KMT2C: variants seen among roughly 807,000 people sequenced by gnomAD.
KMT2C encodes the protein lysine methyltransferase 2C.
In KMT2C, 88 loss-of-function variants were observed where a neutral mutation model predicts 507.9. The ratio of observed to expected loss-of-function variants is 0.17; its 90% CI spans 0.15 to 0.21. KMT2C has a LOEUF of 0.21. Among genes scored for constraint, KMT2C ranks in the 10% least tolerant of loss-of-function variants. KMT2C has a pLI of 1.00. For synonymous variants in KMT2C, 2,049 were observed against 2,080.8 expected (o/e 0.98, Z 0.42); for missense variants, 4,954 against 5,957.8 (o/e 0.83, Z 5.55).
chr7:152,289,557 A>T (rs2096370484), intron 6 of KMT2C, among the ~76,000 whole-genome samples: 1 of 152,234 alleles, frequency 6.6e-6, no homozygotes, highest in African/African-American at 2.4e-5. Flanking sequence ...ATAACAAACC[A>T]CAATTATTAA....
At chr7:152,249,489 A>C (rs1343393064) in intron 13 of KMT2C, among the ~76,000 whole-genome samples, 5 of 151,728 alleles carry the variant, frequency 3.3e-5, no homozygotes, top group South Asian at 4.2e-4. Context: ...ATCCCCAGAT[A>C]CTTTTTTTAT....
intron 40 of KMT2C, 61 bp from the exon 41 acceptor site, chr7:152,169,310 A>G (rs1587878118): frequency 1.1e-6 from 1 of 875,598 alleles, no homozygotes; most frequent in Non-Finnish European, 1.9e-6. Flanking sequence ...GGGGGAAAAA[A>G]CTTTAAAAGA....
intron 1 of KMT2C, among the ~76,000 whole-genome samples, chr7:152,385,075 A>T (rs1216914477): frequency 2.0e-5 from 3 of 152,130 alleles, no homozygotes; most frequent in Non-Finnish European, 4.4e-5. Context: ...AATAAGACTG[A>T]ACCTGACTCT....
At chr7:152,327,308 A>T (rs1239394332) in intron 3 of KMT2C, among the ~76,000 whole-genome samples, 1 of 152,232 alleles carries the variant, frequency 6.6e-6, no homozygotes, top group Non-Finnish European at 1.5e-5. Context: ...CAAGTATTAG[A>T]TGAGGACTAA....
rs1425340331 is a variant in KMT2C at position 152,182,456 on chromosome 7, G to A, written c.5404C>T (p.Pro1802Ser). The change falls in exon 36 of 59, where the codon CCA becomes TCA. Residue 1802 changes from proline (P) to serine (S), a missense_variant. Transcript: ENST00000262189. ...AAGGGACTCTGTATCCCACTACTTG[G>A]TGTATCTGAACCAGACTGCACCAGA... ...HLLVQSGSDT[P>S]SSGIQSPLTP... is the part of the protein sequence containing the mutation. 1.2e-6 allele frequency: 2 copies of A among 1,614,092 alleles called. No individual in the cohort carries two copies. The highest frequency in any genetic ancestry group is 1.7e-6 in the Non-Finnish European group (2 of 1,179,964).
intron 37 of KMT2C, among the ~76,000 whole-genome samples, chr7:152,178,421 G>T (rs748005500): frequency 6.6e-6 from 1 of 152,140 alleles, no homozygotes; most frequent in Non-Finnish European, 1.5e-5. Flanking sequence ...ATGAAGATAG[G>T]TCTTCATACC....
At position 152,358,685 on chromosome 7, in the gene KMT2C, A is replaced by AG; in HGVS notation, c.162-11_162-10insC. 1 of 1,549,952 alleles carries AG rather than the reference A, an allele frequency of 6.5e-7. No homozygotes were observed. Among genetic ancestry groups the AG allele is most frequent in the Admixed American group, 1.8e-5 (1 of 55,922 alleles). ...CCCCCTACTTCGAGGTCTACAGAAA[A>AG]AAAAAAAAATAATAAGTACATAGAG... On this transcript the variant is annotated splice_polypyrimidine_tract_variant and intron_variant, in intron 1 of 58. Coordinates refer to ENST00000262189, the MANE Select transcript of KMT2C (RefSeq NM_170606.3).
rs573046928 is a variant in KMT2C, at chr7:152,372,730, T to C, written c.162-14055A>G. On this transcript the variant is annotated intron_variant, in intron 1 of 58. Transcript: ENST00000262189. ...ACCTAAATATATAAAGCACTATCAA[T>C]AGAACTAAAGGGGGAAATAGCAATA... Among the ~76,000 whole-genome samples the C allele has an allele frequency of 3.9e-5, 6 of 152,114 alleles. No homozygotes were observed. The East Asian group carries it at 9.6e-4, about 24-fold the overall frequency.
At chr7:152,401,761 A>C (rs1252755252) in intron 1 of KMT2C, among the ~76,000 whole-genome samples, 3 of 152,404 alleles carry the variant, frequency 2.0e-5, no homozygotes, top group South Asian at 2.1e-4. Context: ...CAACCTTGAC[A>C]ATGTCAATGT....
rs779376220 is a variant in KMT2C at position 152,180,874 on chromosome 7, C to A, written c.6986G>T (p.Gly2329Val). Reference sequence around the variant, plus strand: ...AGATGCACAGAAGCTCCCCTCTGATCCAGGCCTTGGCTGATCAGCAACATC... The same window carrying A: ...AGATGCACAGAAGCTCCCCTCTGATACAGGCCTTGGCTGATCAGCAACATC... ...AHDVADQPRP[G>V]SEGSFCASSN... Residue 2329 changes from glycine to valine, a missense_variant, in exon 36 of 59, where the codon GGA becomes GTA. By Grantham distance (109) the Gly-to-Val change is moderately radical. Transcript: ENST00000262189. 6.2e-7 allele frequency: 1 copy of A among 1,614,152 alleles called. No homozygotes were observed. The highest frequency in any genetic ancestry group is 1.1e-5 in the South Asian group (1 of 91,082).
At position 152,134,994 on chromosome 7, in the gene KMT2C, A is replaced by G. The variant is rs868349816; in HGVS notation, c.*1838T>C. 8 of 227,580 alleles carry G rather than the reference A, an allele frequency of 3.5e-5. No homozygotes were observed. The highest frequency in any genetic ancestry group is 5.7e-5 in the Admixed American group (1 of 17,582). The allele number at this position is 227,580 out of a possible 1,614,324, so 14.1% of individuals were successfully genotyped here. A position where few individuals can be genotyped will look rare whatever the true frequency, so the allele number is the denominator to read the frequency against. On this transcript the variant is annotated 3_prime_UTR_variant, in exon 59 of 59. Transcript: ENST00000262189. Reference sequence around the variant, plus strand: ...TCTGTGTCCACAAATTCCAAAACCCATAACACTCTGTATACTTCAAAAAAT... The same window carrying G: ...TCTGTGTCCACAAATTCCAAAACCCGTAACACTCTGTATACTTCAAAAAAT...
chr7:152,368,079 T>A, intron 1 of KMT2C: 1 of 900,316 alleles, frequency 1.1e-6, no homozygotes, highest in Non-Finnish European at 1.9e-6. Context: ...AAAGGACTGT[T>A]TACCTCTTGC....
chr7:152,302,108 C>A (rs1177595143), intron 6 of KMT2C, among the ~76,000 whole-genome samples: 2 of 152,138 alleles, frequency 1.3e-5, no homozygotes, highest in Non-Finnish European at 2.9e-5. Context: ...ACAAAGACAT[C>A]TGGCACAAAA....
At chr7:152,338,155 G>A (rs183477080) in intron 2 of KMT2C, among the ~76,000 whole-genome samples, 60 of 152,264 alleles carry the variant, frequency 3.9e-4, no homozygotes, top group Admixed American at 3.6e-3. Context: ...ACCGTGCCCA[G>A]CCCTCACCTA....
At chr7:152,323,353 G>A (rs2096789071) in intron 3 of KMT2C, among the ~76,000 whole-genome samples, 2 of 152,026 alleles carry the variant, frequency 1.3e-5, no homozygotes, top group South Asian at 4.1e-4. Flanking sequence ...TGAAAAGCGG[G>A]AGGATGGGGA....
At position 152,201,617 on chromosome 7, in the gene KMT2C, G is replaced by GA. The variant is rs745427209; in HGVS notation, c.4092+1316dup. ...CCCAGGAGAAAACAACAACAAAGATGAAAAAAAAAAAAAAAAAAAAAAAAA... is the reference window on the plus strand; with the variant it reads ...CCCAGGAGAAAACAACAACAAAGATGAAAAAAAAAAAAAAAAAAAAAAAAAA... On this transcript the variant is annotated intron_variant, in intron 26 of 58. Transcript: ENST00000262189. 9.7e-3 allele frequency among the ~76,000 whole-genome samples: 221 copies of GA among 22,880 alleles called. 12 individuals are homozygous for GA. Among genetic ancestry groups the GA allele is most frequent in the Non-Finnish European group, 0.016 (83 of 5,276 alleles). 15.0% of individuals were successfully genotyped at this position (22,880 alleles called of 152,430 possible).
intron 6 of KMT2C, among the ~76,000 whole-genome samples, chr7:152,304,454 T>A (rs1239266923): frequency 6.6e-6 from 1 of 152,194 alleles, no homozygotes; most frequent in Admixed American, 6.5e-5. Flanking sequence ...GTGACAAACA[T>A]GAGAGTTTTT....
intron 40 of KMT2C, among the ~76,000 whole-genome samples, chr7:152,169,853 A>T (rs1159453731): frequency 1.3e-5 from 2 of 151,992 alleles, no homozygotes; most frequent in South Asian, 2.1e-4. Context: ...CCAAAAAAAT[A>T]AAAAAAATAA....
At chr7:152,300,893 AC>A (rs1387785394) in intron 6 of KMT2C, among the ~76,000 whole-genome samples, 1 of 152,084 alleles carries the variant, frequency 6.6e-6, no homozygotes, top group African/African-American at 2.4e-5. Flanking sequence ...CCCCGTCTCT[AC>A]TAAAACTACA....
Sources: gnomAD v4.1 joint callset for allele counts (sites outside exome capture counted in the v4.1 genomes callset) on GRCh38, gnomAD v4.1.1 for gene constraint, MANE v1.5 for transcripts, NCBI Gene and HGNC (gene_info 2026-07-23, HGNC 2026-07-21) for gene names.